The following APOL5 variants were observed in gnomAD, a reference collection of about 807,000 sequenced individuals.
APOL5 encodes the protein apolipoprotein L, 5.
A neutral mutation model predicts 35.5 loss-of-function variants in APOL5; 29 were observed. The observed-to-expected ratio is 0.82, with a 90% CI of 0.61 to 1.11. The LOEUF (loss-of-function observed/expected upper bound fraction) is 1.11, where lower values mean the gene tolerates loss of function less well. APOL5 is among the 50% of genes most tolerant of loss of function. APOL5 has a pLI of 0.00. For synonymous variants in APOL5, 188 were observed against 200.2 expected, an observed-to-expected ratio of 0.94 and a Z score of 0.51; for missense variants, 514 against 530.4, an observed-to-expected ratio of 0.97 and a Z score of 0.30.
chr22:35,724,987 G>C (rs1927100050), intron 2 of APOL5, among the ~76,000 whole-genome samples: 1 of 152,108 alleles, frequency 6.6e-6, no homozygotes, highest in Non-Finnish European at 1.5e-5. Flanking sequence ...GCCTGCATAG[G>C]GGTAGTTTGA....
At chr22:35,711,337 T>C in the APOL5 span, among the ~76,000 whole-genome samples, 1 of 152,256 alleles carries the variant, frequency 6.6e-6, no homozygotes, top group Non-Finnish European at 1.5e-5. Flanking sequence ...GTAATTCTGC[T>C]ATAACCATTG....
upstream of APOL5, among the ~76,000 whole-genome samples, chr22:35,716,673 C>T (rs1926753866): frequency 2.0e-5 from 3 of 152,162 alleles, no homozygotes; most frequent in South Asian, 6.2e-4. Flanking sequence ...AATCTCCCTC[C>T]CTGAGCTAAG....
chr22:35,723,601 A>G (rs1927046923), intron 2 of APOL5, among the ~76,000 whole-genome samples: 1 of 151,964 alleles, frequency 6.6e-6, no homozygotes, highest in Non-Finnish European at 1.5e-5. Flanking sequence ...AGCTCCCCCC[A>G]CTTGCCTGTT....
chr22:35,714,227 G>T (rs1320467381), upstream of APOL5, among the ~76,000 whole-genome samples: 3 of 152,148 alleles, frequency 2.0e-5, no homozygotes, highest in Admixed American at 6.5e-5. Context: ...CAGGAGAATC[G>T]CTTGAACCTG....
intron 3 of APOL5, among the ~76,000 whole-genome samples, chr22:35,728,363 A>G (rs975257612): frequency 3.4e-4 from 52 of 152,112 alleles, no homozygotes; most frequent in Admixed American, 2.0e-3. Flanking sequence ...AGCTGGGACT[A>G]CAGGCGCCCG....
At chr22:35,725,143 C>A (rs186177372) in intron 2 of APOL5, among the ~76,000 whole-genome samples, 4 of 152,288 alleles carry the variant, frequency 2.6e-5, no homozygotes, top group Admixed American at 2.6e-4. Flanking sequence ...GTTGATTTAT[C>A]AAGACAGGGG....
At chr22:35,728,190 G>C (rs1034104689) in intron 3 of APOL5, among the ~76,000 whole-genome samples, 3 of 152,076 alleles carry the variant, frequency 2.0e-5, no homozygotes, top group Admixed American at 6.6e-5. Flanking sequence ...ATTTGGTCTG[G>C]GATATGACCT....
chr22:35,716,552 G>A (rs775768984), upstream of APOL5, among the ~76,000 whole-genome samples: 8 of 152,142 alleles, frequency 5.3e-5, no homozygotes, highest in Non-Finnish European at 8.8e-5. Flanking sequence ...GTGAGCCACC[G>A]TGCCTGGCTT....
upstream of APOL5, among the ~76,000 whole-genome samples, chr22:35,716,671 T>G (rs1430275685): frequency 6.6e-6 from 1 of 152,142 alleles, no homozygotes; most frequent in Non-Finnish European, 1.5e-5. Flanking sequence ...TAAATCTCCC[T>G]CCCTGAGCTA....
chr22:35,718,319 T>G (rs1169353572), intron 1 of APOL5, among the ~76,000 whole-genome samples: 1 of 152,148 alleles, frequency 6.6e-6, no homozygotes, highest in East Asian at 1.9e-4. Context: ...ATCAAAACTG[T>G]TATGACCCCA....
chr22:35,713,649 G>A (rs924125808), upstream of APOL5, among the ~76,000 whole-genome samples: 9 of 152,136 alleles, frequency 5.9e-5, no homozygotes, highest in Admixed American at 2.0e-4. Flanking sequence ...CCTCTCTTCC[G>A]GCCTAGGATC....
At chr22:35,723,912 G>A (rs567537270) in intron 2 of APOL5, among the ~76,000 whole-genome samples, 2 of 152,150 alleles carry the variant, frequency 1.3e-5, no homozygotes, top group Admixed American at 6.5e-5. Context: ...AGCCGAGATC[G>A]CGCCACTGCA....
rs149294583 is a variant in APOL5, at chr22:35,720,647, T to C, written c.135T>C (p.Pro45=). 6.2e-7 allele frequency: 1 copy of C among 1,609,546 alleles called. No homozygotes were observed. The highest frequency in any genetic ancestry group is 1.3e-5 in the African/African-American group (1 of 74,870). ...GGEVWGKSPE[P]EFPSLVNLCQ... The stretch of plus-strand genomic sequence containing the variant: ...AGGTCTGGGGGAAGTCCCCAGAACC[T>C]GAGTTCCGTGAGGGCAGAGAACAGG... Residue 45 remains proline (P), a synonymous_variant, in exon 2 of 5, where the codon CCT becomes CCC. Transcript: ENST00000249044.
intron 3 of APOL5, 60 bp downstream of exon 3, chr22:35,727,254 G>T (rs1392359629): frequency 6.5e-6 from 10 of 1,541,668 alleles, no homozygotes; most frequent in African/African-American, 1.4e-5. Context: ...TACCATGAGG[G>T]TGGGGGGCGA....
chr22:35,710,510 CAT>C, the APOL5 span, among the ~76,000 whole-genome samples: 7,759 of 151,186 alleles, frequency 0.051, 264 homozygotes, highest in Middle Eastern at 0.15. Context: ...CACACACACA[CAT>C]ATATATATAT....
intron 2 of APOL5, among the ~76,000 whole-genome samples, chr22:35,724,286 C>CA (rs111417764): frequency 0.048 from 5,297 of 111,092 alleles, 286 homozygotes; most frequent in African/African-American, 0.15. Flanking sequence ...AGCCCTGTCT[C>CA]AAAAAAAAAA....
chr22:35,722,401 C>T (rs1441735575), intron 2 of APOL5, among the ~76,000 whole-genome samples: 4 of 152,132 alleles, frequency 2.6e-5, no homozygotes, highest in Non-Finnish European at 5.9e-5. Context: ...CTCCCAGGTT[C>T]ACGTGATTCT....
intron 1 of APOL5, 146 bp from the exon 2 acceptor site, chr22:35,720,422 G>A (rs1183194199): frequency 1.6e-6 from 1 of 639,408 alleles, no homozygotes; most frequent in African/African-American, 1.8e-5. Flanking sequence ...TGACATTTCT[G>A]AGACATTAAG....
At chr22:35,713,331 G>T (rs1194569902), upstream of APOL5, among the ~76,000 whole-genome samples, 1 of 152,200 alleles carries the variant, frequency 6.6e-6, no homozygotes, top group Non-Finnish European at 1.5e-5. Flanking sequence ...TCTGAGAGTT[G>T]CTGTACTATG....
Sources: gnomAD v4.1 joint callset for allele counts (sites outside exome capture counted in the v4.1 genomes callset) on GRCh38, gnomAD v4.1.1 for gene constraint, MANE v1.5 for transcripts, NCBI Gene and HGNC (gene_info 2026-07-23, HGNC 2026-07-21) for gene names.